The following UBA2 variants were observed in gnomAD, a reference collection of about 807,000 sequenced individuals.
UBA2 encodes SUMO-activating enzyme subunit 2.
UBA2 carries 11 observed loss-of-function variants against 77.2 expected under a neutral mutation model. The ratio of observed to expected loss-of-function variants is 0.14; its 90% CI spans 0.09 to 0.24. UBA2 has a LOEUF of 0.24. Among genes scored for constraint, UBA2 ranks in the 10% least tolerant of loss-of-function variants. UBA2 has a pLI of 1.00. For missense variants in UBA2, 487 were observed against 781.7 expected, an observed-to-expected ratio of 0.62 and a Z score of 4.50; for synonymous variants, 278 against 276.7, an observed-to-expected ratio of 1.00 and a Z score of -0.05.
chr19:34,454,161 C>T, intron 10 of UBA2, 99 bp from the exon 11 acceptor site: 2 of 1,088,448 alleles, frequency 1.8e-6, no homozygotes, highest in South Asian at 1.5e-5. Flanking sequence ...AGTCGAAAGT[C>T]TATAGTATTA....
intron 10 of UBA2, among the ~76,000 whole-genome samples, chr19:34,453,762 A>C (rs139790225): frequency 6.6e-6 from 1 of 152,230 alleles, no homozygotes; most frequent in East Asian, 1.9e-4. Context: ...TCCTGAGCTC[A>C]GGCAATCTGC....
At chr19:34,463,107 AAAAG>A (rs2075649902) in intron 14 of UBA2, among the ~76,000 whole-genome samples, 1 of 152,156 alleles carries the variant, frequency 6.6e-6, no homozygotes, top group East Asian at 1.9e-4. Context: ...AAAAAAAAAA[AAAAG>A]AAAGAAAATT....
At chr19:34,440,756 GTC>G (rs2075359782) in intron 6 of UBA2, among the ~76,000 whole-genome samples, 1 of 152,024 alleles carries the variant, frequency 6.6e-6, no homozygotes, top group African/African-American at 2.4e-5. Flanking sequence ...GCGAAATCCT[GTC>G]TCTATTAAAA....
chr19:34,466,882 G>A lies in UBA2; in HGVS notation c.1609G>A (p.Asp537Asn). The change falls in exon 16 of 17, where the codon GAC (aspartate) becomes AAC (asparagine). Residue 537 changes from aspartate (D) to asparagine (N), a missense_variant. By Grantham distance (23) the Asp-to-Asn change is conservative. Coordinates refer to ENST00000246548, the MANE Select transcript of UBA2 (RefSeq NM_005499.3). ...ACCTGTGTGATTCTCCTACAGTGAA[G>A]ACCTAGGAAAGGACGTTGAATTTGA... is the stretch of plus-strand genomic sequence containing the variant. ...TLLINILHSE[D>N]LGKDVEFEVV... The A allele has an allele frequency of 6.2e-7, 1 of 1,612,620 alleles. No individual in the cohort carries two copies. The highest frequency in any genetic ancestry group is 8.5e-7 in the Non-Finnish European group (1 of 1,179,928).
chr19:34,442,237 A>G (rs2075378208), intron 6 of UBA2, among the ~76,000 whole-genome samples: 1 of 152,186 alleles, frequency 6.6e-6, no homozygotes, highest in Admixed American at 6.6e-5. Context: ...TGTCACACAC[A>G]CAAAAAAGAT....
intron 12 of UBA2, 127 bp from the exon 13 acceptor site, chr19:34,458,641 AT>A: frequency 3.2e-6 from 2 of 618,692 alleles, no homozygotes. Flanking sequence ...TTCCTGATCC[AT>A]TTTGCCATCT....
In UBA2 at chr19:34,428,404, C is replaced by A. The variant is rs889147236; in HGVS notation, c.-29C>A. 1.4e-5 allele frequency: 17 copies of A among 1,240,372 alleles called. No individual in the cohort carries two copies. The African/African-American group carries it at 2.6e-4, about 19-fold the overall frequency. The allele number at this position is 1,240,372 out of a possible 1,614,324, so 76.8% of individuals were successfully genotyped here. ...CCGCGGCTCGGTTCTCCCGCCTCCG[C>A]CTCCGCCGCGGCTCGTGGTTGTCCC... On this transcript the variant is annotated 5_prime_UTR_variant, in exon 1 of 17. Coordinates refer to ENST00000246548, the MANE Select transcript of UBA2 (RefSeq NM_005499.3).
At chr19:34,466,771 C>A in intron 15 of UBA2, 107 bp from the exon 16 acceptor site, 2 of 790,968 alleles carry the variant, frequency 2.5e-6, no homozygotes, top group Non-Finnish European at 3.8e-6. Flanking sequence ...TTAGAATCCA[C>A]ATATTTGGTG....
chr19:34,452,098 G>T lies in UBA2; in HGVS notation c.989G>T (p.Arg330Ile). Reference sequence around the variant, plus strand: ...TTTTCAAAGAGCATCGAGACTTTGAGAGTTCATTTAGCAGAAAAGGGGGAT... The same window carrying T: ...TTTTCAAAGAGCATCGAGACTTTGATAGTTCATTTAGCAGAAAAGGGGGAT... The part of the protein sequence containing the change: ...RLFSKSIETL[R>I]VHLAEKGDGA... Residue 330 changes from arginine to isoleucine, a missense_variant, in exon 10 of 17, where the codon AGA (arginine) becomes ATA (isoleucine). Transcript: ENST00000246548. 6.2e-7 allele frequency: 1 copy of T among 1,610,112 alleles called. No individual in the cohort carries two copies. The highest frequency in any genetic ancestry group is 8.5e-7 in the Non-Finnish European group (1 of 1,177,156).
intron 3 of UBA2, 75 bp from the exon 4 acceptor site, chr19:34,433,273 G>T: frequency 9.5e-7 from 1 of 1,048,798 alleles, no homozygotes; most frequent in South Asian, 1.4e-5. Context: ...GTTTTTTTCA[G>T]AACTGTTTAT....
chr19:34,445,131 A>C lies in UBA2; in HGVS notation c.771+10A>C, dbSNP rs1034054040. ...TAAACTTTTTACCAAGGTTAGATTT[A>C]CTTTTTTTATAATCATGGATAGATG... On this transcript the variant is annotated intron_variant, in intron 8 of 16. Coordinates refer to ENST00000246548, the MANE Select transcript of UBA2 (RefSeq NM_005499.3). 2 of 1,607,720 alleles carry C rather than the reference A, an allele frequency of 1.2e-6. No individual in the cohort carries two copies. The highest frequency in any genetic ancestry group is 1.7e-6 in the Non-Finnish European group (2 of 1,177,488).
At position 34,458,432 on chromosome 19, in the gene UBA2, C is replaced by T. The variant is rs912256416; in HGVS notation, c.1246-337C>T. Among the ~76,000 whole-genome samples, 23 of 151,344 alleles carry T rather than the reference C, an allele frequency of 1.5e-4. No individual in the cohort carries two copies. The South Asian group carries it at 2.1e-3, about 14-fold the overall frequency. On this transcript the variant is annotated intron_variant, in intron 12 of 16. Coordinates refer to ENST00000246548, the MANE Select transcript of UBA2 (RefSeq NM_005499.3). Reference sequence around the variant, plus strand: ...AAAATTAGCCGGGCGAGGTGGCGGGCGCCTGTAGTCCCAGCTACTCGGGAG... The same window carrying T: ...AAAATTAGCCGGGCGAGGTGGCGGGTGCCTGTAGTCCCAGCTACTCGGGAG...
chr19:34,429,269 C>T, intron 1 of UBA2: 1 of 984,494 alleles, frequency 1.0e-6, no homozygotes, highest in Non-Finnish European at 1.2e-6. Flanking sequence ...GTGCCTTTTG[C>T]ATTGGTGTAC....
rs1245838446 is a variant in UBA2, at chr19:34,452,839, G to C, written c.1038+692G>C. On this transcript the variant is annotated intron_variant, in intron 10 of 16. Transcript: ENST00000246548. Reference sequence around the variant, plus strand: ...TTGTGTGTACATATTTTGAAACTTTGGTTGAATCAGACATCTAAATACACT... The same window carrying C: ...TTGTGTGTACATATTTTGAAACTTTCGTTGAATCAGACATCTAAATACACT... Among the ~76,000 whole-genome samples, 3 of 152,124 alleles carry C rather than the reference G, an allele frequency of 2.0e-5. No individual in the cohort carries two copies. The East Asian group carries it at 5.8e-4, about 29-fold the overall frequency.
At position 34,460,579 on chromosome 19, in the gene UBA2, G is replaced by C; in HGVS notation, c.1498+13G>C. The C allele has an allele frequency of 6.4e-7, 1 of 1,560,934 alleles. No individual in the cohort carries two copies. Among genetic ancestry groups the C allele is most frequent in the Non-Finnish European group, 8.7e-7 (1 of 1,146,130 alleles). ...GGAGAGACGGAAGGTATCATACATT[G>C]TATTTATTCATTCCTCTCATTGAGG... On this transcript the variant is annotated intron_variant, in intron 14 of 16. Coordinates refer to ENST00000246548, the MANE Select transcript of UBA2 (RefSeq NM_005499.3).
intron 2 of UBA2, among the ~76,000 whole-genome samples, chr19:34,431,244 CTTTTTTTTT>C (rs1184297228): frequency 1.4e-5 from 1 of 69,390 alleles, no homozygotes; most frequent in East Asian, 5.2e-4. Flanking sequence ...ATTTTCTTTT[CTTTTTTTTT>C]TTTTTTTTTT....
At chr19:34,433,217 C>T in intron 3 of UBA2, 131 bp from the exon 4 acceptor site, 2 of 653,526 alleles carry the variant, frequency 3.1e-6, no homozygotes, top group Non-Finnish European at 5.4e-6. Flanking sequence ...ACCTTACTAT[C>T]TATATGACAT....
intron 8 of UBA2, among the ~76,000 whole-genome samples, chr19:34,446,502 C>T (rs1011209549): frequency 1.2e-4 from 19 of 152,128 alleles, no homozygotes; most frequent in African/African-American, 1.7e-4. Flanking sequence ...CTTTCCAACA[C>T]GCACAGGTTC....
chr19:34,430,690 C>T, intron 2 of UBA2, 31 bp downstream of exon 2: 2 of 1,530,276 alleles, frequency 1.3e-6, no homozygotes, highest in Non-Finnish European at 9.0e-7. Flanking sequence ...ATTTCTATAA[C>T]TTGATGGAGC....
Sources: gnomAD v4.1 joint callset for allele counts (sites outside exome capture counted in the v4.1 genomes callset) on GRCh38, gnomAD v4.1.1 for gene constraint, MANE v1.5 for transcripts, NCBI Gene and HGNC (gene_info 2026-07-23, HGNC 2026-07-21) for gene names.